The following PLPPR4 variants were observed in gnomAD, a reference collection of about 807,000 sequenced individuals.
The protein encoded by PLPPR4 is phospholipid phosphatase related 4.
PLPPR4 carries 24 observed loss-of-function variants against 56.6 expected under a neutral mutation model. That is an observed-to-expected ratio of 0.42 (90% CI 0.31 to 0.60). The LOEUF (loss-of-function observed/expected upper bound fraction) is 0.60, where lower values mean the gene tolerates loss of function less well. Among genes scored for constraint, PLPPR4 ranks in the 20% least tolerant of loss-of-function variants. The pLI, the probability that PLPPR4 is intolerant of heterozygous loss-of-function variation, is 0.13. For missense variants in PLPPR4, 654 were observed against 885.8 expected (o/e 0.74, Z 3.32); for synonymous variants, 326 against 328.1 (o/e 0.99, Z 0.07).
chr1:99,280,660 T>G (rs1365406765), intron 1 of PLPPR4, among the ~76,000 whole-genome samples: 1 of 152,094 alleles, frequency 6.6e-6, no homozygotes, highest in Non-Finnish European at 1.5e-5. Flanking sequence ...CAATTCTGAG[T>G]GGAGAGCCTG....
At chr1:99,291,161 A>G (rs986459068) in intron 2 of PLPPR4, among the ~76,000 whole-genome samples, 7 of 152,204 alleles carry the variant, frequency 4.6e-5, no homozygotes, top group African/African-American at 1.7e-4. Context: ...GAGGGCATAC[A>G]TGCAGCCAAC....
At chr1:99,278,296 T>C (rs566515846) in intron 1 of PLPPR4, among the ~76,000 whole-genome samples, 1 of 147,842 alleles carries the variant, frequency 6.8e-6, no homozygotes, top group Admixed American at 6.7e-5. Flanking sequence ...ATACAAATCA[T>C]GTAATCTCAT....
intron 1 of PLPPR4, among the ~76,000 whole-genome samples, chr1:99,277,183 G>T (rs1659207482): frequency 6.6e-6 from 1 of 152,078 alleles, no homozygotes; most frequent in Middle Eastern, 3.2e-3. Flanking sequence ...CCATTGTTTT[G>T]ATTGTGCTTT....
Position 99,306,858 on chromosome 1 carries a change from G to A in PLPPR4, c.1996G>A (p.Gly666Ser). 1 of 1,614,116 alleles carries A rather than the reference G, an allele frequency of 6.2e-7. No homozygotes were observed. Among genetic ancestry groups the A allele is most frequent in the South Asian group, 1.1e-5 (1 of 91,078 alleles). ...RVTPVEGSEI[G>S]SETLSISSSR... ...CACCCCAGTAGAGGGCAGCGAAATT[G>A]GCTCAGAGACGCTGTCCATTTCTTC... is the stretch of plus-strand genomic sequence containing the variant. The change falls in exon 7 of 7, where the codon GGC becomes AGC. Residue 666 changes from glycine to serine, a missense_variant. Physicochemically the swap from Gly to Ser is moderately conservative, Grantham distance 56. Transcript: ENST00000370185. This position sits in a 1 kb window ranked among gnomAD's most constrained non-coding sequence, Gnocchi z 4.0.
intron 4 of PLPPR4, 64 bp from the exon 5 acceptor site, chr1:99,300,845 T>G: frequency 8.1e-7 from 1 of 1,230,970 alleles, no homozygotes. Context: ...CTCAGTGTCT[T>G]TGAGATGATT....
intron 2 of PLPPR4, among the ~76,000 whole-genome samples, chr1:99,292,100 TC>T (rs1286566194): frequency 1.3e-5 from 2 of 152,212 alleles, no homozygotes; most frequent in Non-Finnish European, 2.9e-5. Flanking sequence ...TGATCATGCC[TC>T]TGTTATAAAA....
rs1222074823 is a variant in PLPPR4 at position 99,305,745 on chromosome 1, G to T, written c.883G>T (p.Ala295Ser). The change falls in exon 7 of 7, where the codon GCC becomes TCC. Residue 295 changes from alanine to serine, a missense_variant. This residue lies in a region of PLPPR4 where 468 missense variants were observed against 554.3 expected (regional missense o/e 0.84). Coordinates refer to ENST00000370185, the MANE Select transcript of PLPPR4 (RefSeq NM_014839.5). ...SDESMFQHRDALRSLTDLNQD... is the reference protein window; with the variant it reads ...SDESMFQHRDSLRSLTDLNQD... ...TGAGAGTATGTTTCAGCACAGAGAC[G>T]CCCTCAGGTCTCTGACAGACCTCAA... is the stretch of plus-strand genomic sequence containing the variant. 2 of 1,613,476 alleles carry T rather than the reference G, an allele frequency of 1.2e-6. No homozygotes were observed. The highest frequency in any genetic ancestry group is 1.7e-5 in the Admixed American group (1 of 59,966).
intron 5 of PLPPR4, 72 bp from the exon 6 acceptor site, chr1:99,301,652 C>A (rs41285710): frequency 8.0e-5 from 89 of 1,115,492 alleles, no homozygotes; most frequent in Non-Finnish European, 1.1e-4. Flanking sequence ...AGACTTTTAA[C>A]TTTTATTTGA....
At chr1:99,301,959 T>G (rs1314124067) in intron 6 of PLPPR4, 62 bp downstream of exon 6, 2 of 1,258,358 alleles carry the variant, frequency 1.6e-6, no homozygotes, top group Non-Finnish European at 2.2e-6. Context: ...CATAGAATAT[T>G]TTGCACTATA....
intron 1 of PLPPR4, among the ~76,000 whole-genome samples, chr1:99,274,415 C>T (rs1659134042): frequency 6.6e-6 from 1 of 152,106 alleles, no homozygotes. Context: ...AACACCCCCT[C>T]TCCCATCTTG....
At chr1:99,298,970 A>T in intron 3 of PLPPR4, 65 bp from the exon 4 acceptor site, 1 of 1,057,610 alleles carries the variant, frequency 9.5e-7, no homozygotes, top group Non-Finnish European at 1.5e-6. Flanking sequence ...ACTAATGTTT[A>T]ATGAATATGT....
At chr1:99,280,422 CTA>C (rs1404256124) in intron 1 of PLPPR4, among the ~76,000 whole-genome samples, 1 of 152,288 alleles carries the variant, frequency 6.6e-6, no homozygotes, top group East Asian at 1.9e-4. Context: ...CAGAAATTGC[CTA>C]TGTTTTTTGT....
intron 1 of PLPPR4, among the ~76,000 whole-genome samples, chr1:99,274,496 T>C (rs531636844): frequency 5.9e-5 from 9 of 152,260 alleles, no homozygotes; most frequent in African/African-American, 2.2e-4. Flanking sequence ...CTCCTGATTG[T>C]TTTTTATTGG....
At chr1:99,285,480 G>A (rs1035120544) in intron 1 of PLPPR4, among the ~76,000 whole-genome samples, 4 of 152,192 alleles carry the variant, frequency 2.6e-5, no homozygotes, top group South Asian at 4.1e-4. Flanking sequence ...GAAGTAGTGA[G>A]GCAAAATGAT....
rs1570927098 is a variant in PLPPR4, at chr1:99,305,987, A to C, written c.1125A>C (p.Pro375=). 6.2e-7 allele frequency: 1 copy of C among 1,614,164 alleles called. No individual in the cohort carries two copies. The highest frequency in any genetic ancestry group is 8.5e-7 in the Non-Finnish European group (1 of 1,180,020). ...ATACCTTGCCGCGAGCCAATACCCC[A>C]TCTGTAGAAGACCCTGTCAGAAGAA... is the stretch of plus-strand genomic sequence containing the variant. The part of the protein sequence containing the change: ...FSNTLPRANT[P]SVEDPVRRNA... The change falls in exon 7 of 7, where the codon CCA becomes CCC. Residue 375 remains proline, a synonymous_variant. Coordinates refer to ENST00000370185, the MANE Select transcript of PLPPR4 (RefSeq NM_014839.5).
Position 99,295,774 on chromosome 1 carries a change from C to T in PLPPR4, c.265-964C>T, listed in dbSNP as rs146709443. Among the ~76,000 whole-genome samples, 191 of 152,212 alleles carry T rather than the reference C, an allele frequency of 1.3e-3. 2 individuals carry two copies. Among genetic ancestry groups the T allele is most frequent in the African/African-American group, 4.3e-3 (180 of 41,520 alleles). ...TAAAAGCCAAAAATGCAATTCTCACCGTGCCAGGCACTGTGCTTGACAAGT... is the reference window on the plus strand; with the variant it reads ...TAAAAGCCAAAAATGCAATTCTCACTGTGCCAGGCACTGTGCTTGACAAGT... On this transcript the variant is annotated intron_variant, in intron 2 of 6. Coordinates refer to ENST00000370185, the MANE Select transcript of PLPPR4 (RefSeq NM_014839.5).
In PLPPR4 at chr1:99,264,543, G is replaced by A. The variant is rs1243080573; in HGVS notation, c.-51G>A. 6.4e-7 allele frequency: 1 copy of A among 1,551,658 alleles called. No individual in the cohort carries two copies. Among genetic ancestry groups the A allele is most frequent in the Non-Finnish European group, 8.7e-7 (1 of 1,147,642 alleles). ...GGAGGAGGCAGCTCGCCTCAGCTGC[G>A]CTGTGCACACCTCGCCCGGGGGAGG... On this transcript the variant is annotated 5_prime_UTR_variant, in exon 1 of 7. Coordinates refer to ENST00000370185, the MANE Select transcript of PLPPR4 (RefSeq NM_014839.5).
chr1:99,289,971 A>T (rs939406570), intron 2 of PLPPR4, among the ~76,000 whole-genome samples: 6 of 152,164 alleles, frequency 3.9e-5, no homozygotes, highest in African/African-American at 1.4e-4. Flanking sequence ...AATAAAGTGG[A>T]TTCAAATAGG....
intron 1 of PLPPR4, among the ~76,000 whole-genome samples, chr1:99,276,361 G>C (rs936749012): frequency 6.6e-6 from 1 of 152,004 alleles, no homozygotes; most frequent in Non-Finnish European, 1.5e-5. Flanking sequence ...ATACTAAAAA[G>C]TATTTGTTAA....
Sources: gnomAD v4.1 joint callset for allele counts (sites outside exome capture counted in the v4.1 genomes callset) on GRCh38, gnomAD v4.1.1 for gene constraint, gnomAD v4.1.1 regional missense constraint, Gnocchi (gnomAD v3.1) non-coding constraint, MANE v1.5 for transcripts, NCBI Gene and HGNC (gene_info 2026-07-23, HGNC 2026-07-21) for gene names.